The following TNFRSF8 variants were observed in gnomAD, a reference collection of about 807,000 sequenced individuals.
The protein encoded by TNFRSF8 is tumor necrosis factor receptor superfamily member 8.
Under a neutral mutation model 70.8 loss-of-function variants are expected in TNFRSF8, and 26 were observed. That is an observed-to-expected ratio of 0.37 (90% CI 0.27 to 0.51). TNFRSF8 has a LOEUF of 0.51. Among genes scored for constraint, TNFRSF8 ranks in the 20% least tolerant of loss-of-function variants. The probability of loss-of-function intolerance (pLI) is 0.94; values close to 1 mark genes in which losing one functional copy is unlikely to be tolerated. For synonymous variants in TNFRSF8, 356 were observed against 339.2 expected (o/e 1.05, Z -0.54); for missense variants, 720 against 807.9 (o/e 0.89, Z 1.32).
In TNFRSF8 at chr1:12,135,504, G is replaced by A. The variant is rs1642128999; in HGVS notation, c.1310-84G>A. ...GAGTTCAGCACCACCTGTGATCCAG[G>A]AGGACCATTTGCCAATAGTTGGGGC... On this transcript the variant is annotated intron_variant, in intron 12 of 14. Transcript: ENST00000263932. 13 of 1,456,356 alleles carry A rather than the reference G, an allele frequency of 8.9e-6. No individual in the cohort carries two copies. The South Asian group carries it at 1.5e-4, about 17-fold the overall frequency. 90.2% of individuals were successfully genotyped at this position (1,456,356 alleles called of 1,614,324 possible). A position where few individuals can be genotyped will look rare whatever the true frequency, so the allele number is the denominator to read the frequency against.
At chr1:12,092,639 C>T (rs571962982) in intron 2 of TNFRSF8, among the ~76,000 whole-genome samples, 7 of 151,444 alleles carry the variant, frequency 4.6e-5, no homozygotes, top group Non-Finnish European at 7.4e-5. Context: ...TCCCAAGTAG[C>T]TGGGACTACA....
At chr1:12,135,315 CAAAAAAAA>C (rs33914244) in intron 12 of TNFRSF8, among the ~76,000 whole-genome samples, 2 of 93,612 alleles carry the variant, frequency 2.1e-5, no homozygotes, top group Admixed American at 1.2e-4. Context: ...GACTCCATCT[CAAAAAAAA>C]AAAAAAAAAA....
rs182653074 is a variant in TNFRSF8 at position 12,088,940 on chromosome 1, G to C, written c.151+4389G>C. Among the ~76,000 whole-genome samples, 34 of 151,476 alleles carry C rather than the reference G, an allele frequency of 2.2e-4. No individual in the cohort carries two copies. The highest frequency in any genetic ancestry group is 6.8e-4 in the African/African-American group (28 of 41,166). ...TCAGCTGAGTGTGCTGGGCTCCCCT[G>C]TGCCCTCTGACACTGTCCCAGCAGA... On this transcript the variant is annotated intron_variant, in intron 2 of 14. Coordinates refer to ENST00000263932, the MANE Select transcript of TNFRSF8 (RefSeq NM_001243.5). The surrounding 1 kb of genome is among the most constrained non-coding windows in gnomAD (Gnocchi z 4.0).
In TNFRSF8 at chr1:12,113,848, A is replaced by C. The variant is rs529145133; in HGVS notation, c.794-1729A>C. Among the ~76,000 whole-genome samples the C allele has an allele frequency of 5.9e-5, 9 of 152,320 alleles. No individual in the cohort carries two copies. The South Asian group carries it at 1.9e-3, about 32-fold the overall frequency. On this transcript the variant is annotated intron_variant, in intron 7 of 14. Transcript: ENST00000263932. The surrounding 1 kb of genome is among the most constrained non-coding windows in gnomAD (Gnocchi z 4.9). ...GCCTTGGAAGTCACACAGAACTTCT[A>C]CCACTTTCTGTTTGTTGAGGCAACC...
At chr1:12,096,245 G>T (rs1557585263) in intron 2 of TNFRSF8, among the ~76,000 whole-genome samples, 2 of 152,118 alleles carry the variant, frequency 1.3e-5, no homozygotes, top group Admixed American at 6.5e-5. Context: ...TGGAAGCAAG[G>T]TAGGCAGCGA....
At chr1:12,085,773 G>A (rs1343821418) in intron 2 of TNFRSF8, among the ~76,000 whole-genome samples, 3 of 152,198 alleles carry the variant, frequency 2.0e-5, no homozygotes, top group Non-Finnish European at 4.4e-5. Flanking sequence ...TTAGGCCCGA[G>A]GAGATAAGCA....
At chr1:12,073,632 C>T (rs551746958) in intron 1 of TNFRSF8, among the ~76,000 whole-genome samples, 4 of 147,136 alleles carry the variant, frequency 2.7e-5, no homozygotes, top group Admixed American at 1.4e-4. Context: ...CTCACTCTGT[C>T]GCCCAGGCTG....
intron 14 of TNFRSF8, among the ~76,000 whole-genome samples, chr1:12,139,827 G>T (rs1229938428): frequency 6.6e-6 from 1 of 152,152 alleles, no homozygotes; most frequent in East Asian, 1.9e-4. Context: ...GTAGAGATGG[G>T]GTTTCACTCT....
intron 1 of TNFRSF8, among the ~76,000 whole-genome samples, chr1:12,073,827 C>G (rs918153618): frequency 2.0e-5 from 3 of 151,988 alleles, no homozygotes; most frequent in Admixed American, 2.0e-4. Flanking sequence ...AACGCCTGAC[C>G]TCAAATAATC....
Position 12,142,093 on chromosome 1 carries a change from A to G in TNFRSF8, c.1544-194A>G, listed in dbSNP as rs1267814393. Among the ~76,000 whole-genome samples, 3 of 152,144 alleles carry G rather than the reference A, an allele frequency of 2.0e-5. No individual in the cohort carries two copies. Among genetic ancestry groups the G allele is most frequent in the South Asian group, 4.1e-4 (2 of 4,828 alleles). Reference sequence around the variant, plus strand: ...AAGTGGGCTGGTTCTTAACTCCTCAAGGCCCAGCTCCTAGCTGTTCTATTT... The same window carrying G: ...AAGTGGGCTGGTTCTTAACTCCTCAGGGCCCAGCTCCTAGCTGTTCTATTT... On this transcript the variant is annotated intron_variant, in intron 14 of 14. Coordinates refer to ENST00000263932, the MANE Select transcript of TNFRSF8 (RefSeq NM_001243.5). This position sits in a 1 kb window ranked among gnomAD's most constrained non-coding sequence, Gnocchi z 5.0.
At chr1:12,107,085 G>A (rs1457922172) in intron 4 of TNFRSF8, among the ~76,000 whole-genome samples, 2 of 152,196 alleles carry the variant, frequency 1.3e-5, no homozygotes, top group Non-Finnish European at 2.9e-5. Flanking sequence ...CCCGTGGCAC[G>A]TGGCCACGCA....
In TNFRSF8 at chr1:12,119,658, G is replaced by A. The variant is rs1641794651; in HGVS notation, c.947-3626G>A. On this transcript the variant is annotated intron_variant, in intron 8 of 14. Coordinates refer to ENST00000263932, the MANE Select transcript of TNFRSF8 (RefSeq NM_001243.5). The surrounding 1 kb of genome is among the most constrained non-coding windows in gnomAD (Gnocchi z 4.4). Reference sequence around the variant, plus strand: ...ACTCTGTGTTCCAGGCTGGAGTGCAGTGGCATGATCTTGGCTCACTGCAGC... The same window carrying A: ...ACTCTGTGTTCCAGGCTGGAGTGCAATGGCATGATCTTGGCTCACTGCAGC... 6.6e-6 allele frequency among the ~76,000 whole-genome samples: 1 copy of A among 151,472 alleles called. No homozygotes were observed. The highest frequency in any genetic ancestry group is 1.5e-5 in the Non-Finnish European group (1 of 67,956).
intron 1 of TNFRSF8, among the ~76,000 whole-genome samples, chr1:12,076,086 C>CTCTTT (rs58965655): frequency 7.4e-6 from 1 of 134,452 alleles, no homozygotes; most frequent in Non-Finnish European, 1.6e-5. Flanking sequence ...TGGTTTTATT[C>CTCTTT]TTTTTTTTTT....
chr1:12,129,299 A>G (rs1642003285), intron 12 of TNFRSF8, among the ~76,000 whole-genome samples: 1 of 152,166 alleles, frequency 6.6e-6, no homozygotes, highest in Non-Finnish European at 1.5e-5. Flanking sequence ...TTTGAGAGTA[A>G]CTGACTGACT....
chr1:12,080,667 C>T (rs532143707), intron 1 of TNFRSF8: 2 of 249,750 alleles, frequency 8.0e-6, no homozygotes, highest in African/African-American at 4.6e-5. Flanking sequence ...AAGCGATTCT[C>T]ATGCCTCAGC....
intron 1 of TNFRSF8, among the ~76,000 whole-genome samples, chr1:12,066,993 G>T (rs376601710): frequency 6.6e-6 from 1 of 152,096 alleles, no homozygotes; most frequent in South Asian, 2.1e-4. Context: ...TTCCCAAGAC[G>T]CCATCATTTT....
At chr1:12,134,929 T>G (rs999268771) in intron 12 of TNFRSF8, among the ~76,000 whole-genome samples, 3 of 152,068 alleles carry the variant, frequency 2.0e-5, no homozygotes, top group Admixed American at 2.0e-4. Context: ...GGGCTCTGGT[T>G]GGGCCTGTGC....
intron 1 of TNFRSF8, among the ~76,000 whole-genome samples, chr1:12,076,599 A>C (rs1318692552): frequency 6.6e-6 from 1 of 152,046 alleles, no homozygotes; most frequent in Non-Finnish European, 1.5e-5. Context: ...CCCTGGGGCC[A>C]GGCAGCATGG....
At chr1:12,087,151 TTCTC>T (rs1413824094) in intron 2 of TNFRSF8, among the ~76,000 whole-genome samples, 1 of 142,612 alleles carries the variant, frequency 7.0e-6, no homozygotes, top group African/African-American at 2.7e-5. Context: ...AAATTTTTAT[TTCTC>T]TCTCTCTCTC....
Sources: allele counts gnomAD v4.1 joint callset (sites outside exome capture counted in the v4.1 genomes callset), GRCh38; gene constraint gnomAD v4.1.1; non-coding constraint Gnocchi (gnomAD v3.1); transcripts MANE v1.5; gene names NCBI Gene and HGNC (gene_info 2026-07-23, HGNC 2026-07-21).